Variants in PCDHA5 observed in about 807,000 individuals in gnomAD.
PCDHA5 encodes protocadherin alpha 5, also known as protocadherin alpha-5.
A neutral mutation model predicts 61.6 loss-of-function variants in PCDHA5; 43 were observed. That is an observed-to-expected ratio of 0.70 (90% CI 0.55 to 0.90). PCDHA5 has a LOEUF of 0.90. Among genes scored for constraint, PCDHA5 ranks in the 40% least tolerant of loss-of-function variants. PCDHA5 has a pLI of 0.00. For synonymous variants in PCDHA5, 627 were observed against 543.9 expected, an observed-to-expected ratio of 1.15 and a Z score of -2.13; for missense variants, 1,298 against 1,222.7, an observed-to-expected ratio of 1.06 and a Z score of -0.92.
intron 3 of PCDHA5, among the ~76,000 whole-genome samples, chr5:140,996,183 T>C (rs1360004898): frequency 6.6e-6 from 1 of 152,232 alleles, no homozygotes; most frequent in African/African-American, 2.4e-5. Context: ...AGCACCTCCA[T>C]TTTATACCCT....
At chr5:140,858,080 T>C in intron 1 of PCDHA5, 1 of 1,597,738 alleles carries the variant, frequency 6.3e-7, no homozygotes, top group Non-Finnish European at 8.6e-7. Flanking sequence ...ACCCAAGGCC[T>C]CGTCGCGGGC....
rs114741049 is a variant in PCDHA5, at chr5:140,830,663, G to C, written c.2352+6536G>C. ...TGCTTCTTTAATATTCATAATTTAAGTGAAATTAGAAATCACTGTCCACAA... is the reference window on the plus strand; with the variant it reads ...TGCTTCTTTAATATTCATAATTTAACTGAAATTAGAAATCACTGTCCACAA... On this transcript the variant is annotated intron_variant, in intron 1 of 3. Coordinates refer to ENST00000529859, the MANE Select transcript of PCDHA5 (RefSeq NM_018908.3). 2.0e-3 allele frequency: 827 copies of C among 406,220 alleles called. 12 individuals are homozygous for C. Among genetic ancestry groups the C allele is most frequent in the African/African-American group, 0.016 (756 of 47,898 alleles). 25.2% of individuals were successfully genotyped at this position (406,220 alleles called of 1,614,324 possible). A position where few individuals can be genotyped will look rare whatever the true frequency, so the allele number is the denominator to read the frequency against.
intron 3 of PCDHA5, among the ~76,000 whole-genome samples, chr5:141,004,084 T>C (rs2098151963): frequency 6.6e-6 from 1 of 152,234 alleles, no homozygotes; most frequent in Non-Finnish European, 1.5e-5. Context: ...GGTAGAAATG[T>C]GCTTCTTCCG....
intron 1 of PCDHA5, among the ~76,000 whole-genome samples, chr5:140,932,481 C>T (rs945796094): frequency 6.6e-6 from 1 of 151,842 alleles, no homozygotes; most frequent in African/African-American, 2.4e-5. Flanking sequence ...AGGATATCTC[C>T]TCTTTGCAAT....
intron 1 of PCDHA5, among the ~76,000 whole-genome samples, chr5:140,924,240 G>T (rs1554201838): frequency 2.6e-5 from 4 of 152,186 alleles, no homozygotes; most frequent in Non-Finnish European, 5.9e-5. Flanking sequence ...GGGCTGTTTT[G>T]CATCCTGGTG....
Position 140,823,892 on chromosome 5 carries a change from T to C in PCDHA5, c.2117T>C (p.Val706Ala). 1 of 1,613,932 alleles carries C rather than the reference T, an allele frequency of 6.2e-7. No individual in the cohort carries two copies. The highest frequency in any genetic ancestry group is 8.5e-7 in the Non-Finnish European group (1 of 1,179,936). ...TACCTGATCATCGCCATCTGTGCGGTGTCCAGCCTGCTGGTGCTCACGCTG... is the reference window on the plus strand; with the variant it reads ...TACCTGATCATCGCCATCTGTGCGGCGTCCAGCCTGCTGGTGCTCACGCTG... ...NVYLIIAICA[V>A]SSLLVLTLLL... is the part of the protein sequence containing the mutation. Residue 706 changes from valine (V) to alanine (A), a missense_variant, in exon 1 of 4, where the codon GTG becomes GCG. By Grantham distance (64) the Val-to-Ala change is moderately conservative. Transcript: ENST00000529859.
At chr5:140,967,315 G>A (rs1554229427) in intron 1 of PCDHA5, 1 of 1,610,854 alleles carries the variant, frequency 6.2e-7, no homozygotes, top group African/African-American at 1.3e-5. Context: ...ACTCAGTACA[G>A]ACCTACGAGC....
In PCDHA5 at chr5:140,823,644, G is replaced by A; in HGVS notation, c.1869G>A (p.Val623=). ...GCAGTGCGCGCATCCCGTTCCGCGT[G>A]GGGCTGTACACAGGCGAGATCAGCA... ...APGSARIPFR[V]GLYTGEISTT... Residue 623 remains valine (V), a synonymous_variant, in exon 1 of 4, where the codon GTG becomes GTA. Transcript: ENST00000529859. 1.9e-6 allele frequency: 3 copies of A among 1,613,948 alleles called. No homozygotes were observed. Among genetic ancestry groups the A allele is most frequent in the Non-Finnish European group, 2.5e-6 (3 of 1,179,890 alleles).
At chr5:140,834,481 A>G in intron 1 of PCDHA5, 6 of 1,614,090 alleles carry the variant, frequency 3.7e-6, no homozygotes, top group Non-Finnish European at 5.1e-6. Flanking sequence ...CAGCTCCACT[A>G]CTCGGTCCCC....
chr5:140,876,258 C>G lies in PCDHA5; in HGVS notation c.2352+52131C>G, dbSNP rs782047443. ...ATGTCCAAAACGACACAAGAGTGAT[C>G]CAACTAAATGCTTCCGATCCAGACG... On this transcript the variant is annotated intron_variant, in intron 1 of 3. Coordinates refer to ENST00000529859, the MANE Select transcript of PCDHA5 (RefSeq NM_018908.3). 4 of 1,613,968 alleles carry G rather than the reference C, an allele frequency of 2.5e-6. No homozygotes were observed. The East Asian group carries it at 8.9e-5, about 36-fold the overall frequency.
chr5:140,855,926 G>A lies in PCDHA5; in HGVS notation c.2352+31799G>A, dbSNP rs1420815177. On this transcript the variant is annotated intron_variant, in intron 1 of 3. Transcript: ENST00000529859. ...AGTTTCTCAAGGACTAGGAAGTAGC[G>A]TCATTCTGAGATCTCAGCCATTTCG... is the stretch of plus-strand genomic sequence containing the variant. 2.4e-6 allele frequency: 3 copies of A among 1,256,218 alleles called. 1 individual carries two copies. The highest frequency in any genetic ancestry group is 3.3e-6 in the Non-Finnish European group (3 of 905,286). 77.8% of individuals were successfully genotyped at this position (1,256,218 alleles called of 1,614,324 possible). A position where few individuals can be genotyped will look rare whatever the true frequency, so the allele number is the denominator to read the frequency against.
intron 1 of PCDHA5, among the ~76,000 whole-genome samples, chr5:140,913,536 C>A (rs949214910): frequency 4.6e-5 from 7 of 151,882 alleles, no homozygotes; most frequent in Non-Finnish European, 8.8e-5. Context: ...AAAAGATTGA[C>A]TTTTTGTTTT....
chr5:140,847,761 T>G (rs1279113142), intron 1 of PCDHA5: 1 of 149,846 alleles, frequency 6.7e-6, no homozygotes, highest in Non-Finnish European at 1.5e-5. Context: ...CACAAGACCT[T>G]AAAGTCAATT....
At chr5:140,840,168 T>C (rs1776589979) in intron 1 of PCDHA5, among the ~76,000 whole-genome samples, 2 of 151,992 alleles carry the variant, frequency 1.3e-5, no homozygotes, top group African/African-American at 2.4e-5. Flanking sequence ...ATGGGATGTA[T>C]ACAAATTTTA....
chr5:140,843,595 G>A, intron 1 of PCDHA5: 1 of 1,596,100 alleles, frequency 6.3e-7, no homozygotes, highest in Admixed American at 1.7e-5. Flanking sequence ...CGCAGAGGGT[G>A]TGCTCTGGTG....
At chr5:140,907,590 C>A (rs924020141) in intron 1 of PCDHA5, among the ~76,000 whole-genome samples, 11 of 152,210 alleles carry the variant, frequency 7.2e-5, no homozygotes, top group Non-Finnish European at 1.6e-4. Flanking sequence ...TGGCTGATCA[C>A]CCTGAGGAAT....
At chr5:140,954,086 C>T (rs2094976679) in intron 1 of PCDHA5, among the ~76,000 whole-genome samples, 1 of 152,212 alleles carries the variant, frequency 6.6e-6, no homozygotes, top group African/African-American at 2.4e-5. Context: ...CTTCCAGCTC[C>T]ATCCATGTCC....
intron 1 of PCDHA5, among the ~76,000 whole-genome samples, chr5:140,923,958 T>C (rs1447655640): frequency 1.3e-5 from 2 of 152,216 alleles, no homozygotes; most frequent in Admixed American, 6.5e-5. Context: ...CACGCCCTAA[T>C]CTATACCCAC....
chr5:140,966,373 T>G (rs1554228235), intron 1 of PCDHA5: 1 of 404,624 alleles, frequency 2.5e-6, no homozygotes, highest in African/African-American at 2.1e-5. Flanking sequence ...GGCTGAGCAG[T>G]CCGGGTTCGC....
Sources: gnomAD v4.1 joint callset for allele counts (sites outside exome capture counted in the v4.1 genomes callset) on GRCh38, gnomAD v4.1.1 for gene constraint, MANE v1.5 for transcripts, NCBI Gene and HGNC (gene_info 2026-07-23, HGNC 2026-07-21) for gene names.